The following SCGN variants were observed in gnomAD, a reference collection of about 807,000 sequenced individuals.
The protein encoded by SCGN is secretagogin.
A neutral mutation model predicts 39.7 loss-of-function variants in SCGN; 30 were observed. The observed-to-expected ratio is 0.76, with a 90% CI of 0.57 to 1.03. The LOEUF (loss-of-function observed/expected upper bound fraction) is 1.03, where lower values mean the gene tolerates loss of function less well. SCGN is among the 50% of genes least tolerant of loss of function. The probability of loss-of-function intolerance (pLI) is 0.00; values close to 1 mark genes in which losing one functional copy is unlikely to be tolerated. For missense variants in SCGN, 353 were observed against 349.4 expected (o/e 1.01, Z -0.08); for synonymous variants, 106 against 114.1 (o/e 0.93, Z 0.45).
intron 6 of SCGN, among the ~76,000 whole-genome samples, chr6:25,672,336 T>G (rs750412785): frequency 7.9e-5 from 12 of 152,210 alleles, no homozygotes; most frequent in Non-Finnish European, 1.5e-4. Flanking sequence ...ATAATAAATG[T>G]AATTAATAAT....
intron 5 of SCGN, 48 bp downstream of exon 5, chr6:25,669,615 G>C: frequency 6.7e-7 from 1 of 1,492,836 alleles, no homozygotes; most frequent in Non-Finnish European, 9.3e-7. Context: ...TTGGGAATTT[G>C]ATATGTGTGT....
In SCGN at chr6:25,653,372, TCA is replaced by T; in HGVS notation, c.83-7_83-6del. 6.3e-7 allele frequency: 1 copy of T among 1,575,784 alleles called. No individual in the cohort carries two copies. The highest frequency in any genetic ancestry group is 8.7e-7 in the Non-Finnish European group (1 of 1,147,190). ...GTTAGTATTATTTATGTTTATTTTC[TCA>T]CATTTAGAAAAAGGTTACATAGAAG... is the stretch of plus-strand genomic sequence containing the variant. On this transcript the variant is annotated splice_region_variant and splice_polypyrimidine_tract_variant and intron_variant, in intron 1 of 10. Transcript: ENST00000377961.
chr6:25,675,061 C>T (rs1759547326), intron 6 of SCGN, among the ~76,000 whole-genome samples: 1 of 152,162 alleles, frequency 6.6e-6, no homozygotes, highest in Admixed American at 6.5e-5. Context: ...AATAAGTTTT[C>T]CTGTATTAGG....
intron 2 of SCGN, among the ~76,000 whole-genome samples, chr6:25,658,275 G>T (rs1195405592): frequency 1.3e-5 from 2 of 151,378 alleles, no homozygotes; most frequent in Non-Finnish European, 2.9e-5. Flanking sequence ...TCCTGCCCTC[G>T]TGATCCACCC....
chr6:25,674,592 C>G (rs1008043152), intron 6 of SCGN, among the ~76,000 whole-genome samples: 16 of 152,200 alleles, frequency 1.1e-4, no homozygotes, highest in Non-Finnish European at 1.5e-5. Flanking sequence ...ATTTTGTTCT[C>G]AGGTTTAGCA....
intron 7 of SCGN, among the ~76,000 whole-genome samples, chr6:25,686,523 G>T (rs570831184): frequency 6.6e-6 from 1 of 152,158 alleles, no homozygotes; most frequent in African/African-American, 2.4e-5. Context: ...CAGATTCTTT[G>T]CCCAGTTGAA....
Position 25,652,273 on chromosome 6 carries a change from A to G in SCGN, c.-131A>G. The stretch of plus-strand genomic sequence containing the variant: ...GGCCAGCAGCGCTCGCGTCCTCCCC[A>G]GCAACAGTTACTCAAAGCTAATCAG... On this transcript the variant is annotated 5_prime_UTR_variant, in exon 1 of 11. Coordinates refer to ENST00000377961, the MANE Select transcript of SCGN (RefSeq NM_006998.4). The G allele has an allele frequency of 4.0e-6, 3 of 742,480 alleles. No homozygotes were observed. Among genetic ancestry groups the G allele is most frequent in the South Asian group, 3.3e-5 (2 of 60,420 alleles). The allele number at this position is 742,480 out of a possible 1,614,324, so 46.0% of individuals were successfully genotyped here.
chr6:25,684,429 G>C (rs1370709705), intron 7 of SCGN, among the ~76,000 whole-genome samples: 7 of 152,150 alleles, frequency 4.6e-5, no homozygotes, highest in Admixed American at 1.3e-4. Context: ...CAGATAGGGG[G>C]TGCCAAGTGT....
At chr6:25,660,184 C>T (rs1159099097) in intron 2 of SCGN, among the ~76,000 whole-genome samples, 1 of 152,202 alleles carries the variant, frequency 6.6e-6, no homozygotes, top group Non-Finnish European at 1.5e-5. Flanking sequence ...CATCCTCTGG[C>T]TGGCAGTCCA....
chr6:25,680,023 A>G (rs1209289643), intron 6 of SCGN, among the ~76,000 whole-genome samples: 1 of 147,650 alleles, frequency 6.8e-6, no homozygotes, highest in Non-Finnish European at 1.5e-5. Flanking sequence ...ATCTTTCTAA[A>G]TATCAGTTTC....
At chr6:25,659,786 G>T (rs1396077522) in intron 2 of SCGN, among the ~76,000 whole-genome samples, 3 of 149,450 alleles carry the variant, frequency 2.0e-5, no homozygotes, top group Non-Finnish European at 4.4e-5. Context: ...AACATGTTGT[G>T]CCAGGCTAAA....
intron 6 of SCGN, among the ~76,000 whole-genome samples, chr6:25,678,284 C>T (rs917851181): frequency 3.3e-5 from 5 of 152,122 alleles, no homozygotes; most frequent in African/African-American, 7.2e-5. Flanking sequence ...CAATGGAAGG[C>T]ATGCCCCCTA....
At chr6:25,677,405 T>C (rs778729195) in intron 6 of SCGN, among the ~76,000 whole-genome samples, 34 of 152,200 alleles carry the variant, frequency 2.2e-4, no homozygotes, top group Non-Finnish European at 4.6e-4. Context: ...CAGAATGTTA[T>C]TAGACACAGA....
In SCGN at chr6:25,701,111, G is replaced by A. The variant is rs370328821; in HGVS notation, c.703-96G>A. On this transcript the variant is annotated intron_variant, in intron 10 of 10. Coordinates refer to ENST00000377961, the MANE Select transcript of SCGN (RefSeq NM_006998.4). Reference sequence around the variant, plus strand: ...CTCCCTGTGGCCTGTCTCCTTCAAGGCAGGACACCCTAAGCTTAGGGAGCA... The same window carrying A: ...CTCCCTGTGGCCTGTCTCCTTCAAGACAGGACACCCTAAGCTTAGGGAGCA... The A allele has an allele frequency of 3.0e-5, 42 of 1,377,956 alleles. No individual in the cohort carries two copies. In the African/African-American group the frequency reaches 5.8e-4, roughly 19 times the overall value. The allele number at this position is 1,377,956 out of a possible 1,614,324, so 85.4% of individuals were successfully genotyped here. A position where few individuals can be genotyped will look rare whatever the true frequency, so the allele number is the denominator to read the frequency against.
chr6:25,655,245 G>A (rs1158686223), intron 2 of SCGN, among the ~76,000 whole-genome samples: 1 of 152,178 alleles, frequency 6.6e-6, no homozygotes, highest in Non-Finnish European at 1.5e-5. Flanking sequence ...TTTTCAGAGG[G>A]CTCCTTGTTC....
chr6:25,687,037 A>G (rs1384002777), intron 7 of SCGN, among the ~76,000 whole-genome samples: 1 of 152,102 alleles, frequency 6.6e-6, no homozygotes, highest in African/African-American at 2.4e-5. Flanking sequence ...ATTCTATTCC[A>G]TTTATCTACA....
chr6:25,683,337 T>C (rs1759662340), intron 7 of SCGN, among the ~76,000 whole-genome samples: 1 of 152,170 alleles, frequency 6.6e-6, no homozygotes, highest in Non-Finnish European at 1.5e-5. Context: ...ACAATCTAGA[T>C]GAAAACAAAA....
intron 6 of SCGN, among the ~76,000 whole-genome samples, chr6:25,674,088 A>G (rs1045280299): frequency 1.3e-5 from 2 of 152,222 alleles, no homozygotes; most frequent in African/African-American, 4.8e-5. Context: ...ACCATTCATC[A>G]GAAATCTGCC....
chr6:25,669,302 T>G (rs927265818), intron 4 of SCGN, among the ~76,000 whole-genome samples: 1 of 152,126 alleles, frequency 6.6e-6, no homozygotes, highest in East Asian at 1.9e-4. Context: ...ATTGTGGCCC[T>G]CCTTAAGTGG....
Sources: allele counts gnomAD v4.1 joint callset (sites outside exome capture counted in the v4.1 genomes callset), GRCh38; gene constraint gnomAD v4.1.1; transcripts MANE v1.5; gene names NCBI Gene and HGNC (gene_info 2026-07-23, HGNC 2026-07-21).